KCNQ1: variants seen among roughly 807,000 people sequenced by gnomAD.
KCNQ1 encodes potassium voltage-gated channel subfamily KQT member 1.
KCNQ1 carries 49 observed loss-of-function variants against 72.4 expected under a neutral mutation model. The observed-to-expected ratio is 0.68, with a 90% confidence interval of 0.54 to 0.86. KCNQ1 has a LOEUF of 0.86. KCNQ1 is among the 40% of genes least tolerant of loss of function. KCNQ1 has a pLI of 0.00. For missense variants in KCNQ1, 790 were observed against 945.1 expected (o/e 0.84, Z 2.15); for synonymous variants, 450 against 412.6 (o/e 1.09, Z -1.10).
At chr11:2,705,801 AGTTT>A (rs776992010) in intron 11 of KCNQ1, among the ~76,000 whole-genome samples, 3 of 152,164 alleles carry the variant, frequency 2.0e-5, no homozygotes, top group Admixed American at 6.5e-5. Flanking sequence ...TGGTGGTTAT[AGTTT>A]GTTTTACGCA....
At chr11:2,747,827 G>A (rs901058473) in intron 11 of KCNQ1, among the ~76,000 whole-genome samples, 6 of 152,118 alleles carry the variant, frequency 3.9e-5, no homozygotes, top group African/African-American at 1.4e-4. Context: ...GGCACGCAGG[G>A]TGAGGCTGGC....
At chr11:2,680,766 ATTC>A in intron 11 of KCNQ1, 1 of 394,320 alleles carries the variant, frequency 2.5e-6, no homozygotes, top group East Asian at 3.6e-5. Context: ...CTACTAACCT[ATTC>A]TTCATTTCTT....
rs1846408396 is a variant in KCNQ1, at chr11:2,762,141, T to C, written c.1515-6703T>C. On this transcript the variant is annotated intron_variant, in intron 11 of 15. Coordinates refer to ENST00000155840, the MANE Select transcript of KCNQ1 (RefSeq NM_000218.3). The surrounding 1 kb of genome is among the most constrained non-coding windows in gnomAD (Gnocchi z 4.3). ...GGGGTGATGGAAAGAGGCCAGGACGTGAGGCCAGGGTAATAGTTCCTCTCG... is the reference window on the plus strand; with the variant it reads ...GGGGTGATGGAAAGAGGCCAGGACGCGAGGCCAGGGTAATAGTTCCTCTCG... Among the ~76,000 whole-genome samples the C allele has an allele frequency of 2.0e-5, 3 of 152,330 alleles. No homozygotes were observed. The highest frequency in any genetic ancestry group is 7.2e-5 in the African/African-American group (3 of 41,576).
At chr11:2,530,685 CTG>C (rs1209896219) in intron 2 of KCNQ1, among the ~76,000 whole-genome samples, 1 of 152,176 alleles carries the variant, frequency 6.6e-6, no homozygotes, top group African/African-American at 2.4e-5. Flanking sequence ...ATGTTTGGCT[CTG>C]TTTCAATGTG....
At chr11:2,456,027 C>T (rs1385458868) in intron 1 of KCNQ1, among the ~76,000 whole-genome samples, 1 of 152,154 alleles carries the variant, frequency 6.6e-6, no homozygotes, top group Admixed American at 6.5e-5. Flanking sequence ...TATCTATCAC[C>T]ATATACAAAA....
chr11:2,550,224 G>A lies in KCNQ1; in HGVS notation c.478-20404G>A, dbSNP rs988437818. ...TCTTTGCCGTTGCCGGGACTGGGCC[G>A]TGTGCCTGGAGTTTGAACTTTTCTG... On this transcript the variant is annotated intron_variant, in intron 2 of 15. Transcript: ENST00000155840. The surrounding 1 kb of genome is among the most constrained non-coding windows in gnomAD (Gnocchi z 6.0). Among the ~76,000 whole-genome samples the A allele has an allele frequency of 2.2e-4, 34 of 152,352 alleles. No homozygotes were observed. Among genetic ancestry groups the A allele is most frequent in the African/African-American group, 7.2e-4 (30 of 41,582 alleles).
intron 10 of KCNQ1, chr11:2,648,219 A>T: frequency 2.5e-6 from 1 of 392,346 alleles, no homozygotes; most frequent in African/African-American, 2.1e-5. Flanking sequence ...GGTGGGGGGG[A>T]GGCCTCATTT....
chr11:2,607,185 G>A (rs1362769932), intron 10 of KCNQ1, among the ~76,000 whole-genome samples: 2 of 152,100 alleles, frequency 1.3e-5, no homozygotes, highest in African/African-American at 4.8e-5. Context: ...TTACAGGTGT[G>A]AACCACTGCA....
Position 2,661,949 on chromosome 11 carries a change from C to G in KCNQ1, c.1394-12C>G. ...GGAGGCCTAACGTGCTGTCCCCACA[C>G]TTTCTCCTCAGTAAGGAAGAGCCCA... On this transcript the variant is annotated splice_polypyrimidine_tract_variant and intron_variant, in intron 10 of 15. Transcript: ENST00000155840. This position sits in a 1 kb window ranked among gnomAD's most constrained non-coding sequence, Gnocchi z 5.9. The G allele has an allele frequency of 6.2e-7, 1 of 1,614,198 alleles. No individual in the cohort carries two copies.
Position 2,725,013 on chromosome 11 carries a change from C to T in KCNQ1, c.1515-43831C>T, listed in dbSNP as rs564904471. 5.9e-5 allele frequency among the ~76,000 whole-genome samples: 9 copies of T among 152,268 alleles called. No individual in the cohort carries two copies. The highest frequency in any genetic ancestry group is 2.1e-4 in the South Asian group (1 of 4,820). On this transcript the variant is annotated intron_variant, in intron 11 of 15. Coordinates refer to ENST00000155840, the MANE Select transcript of KCNQ1 (RefSeq NM_000218.3). This position sits in a 1 kb window ranked among gnomAD's most constrained non-coding sequence, Gnocchi z 7.2. ...TTGGTGTGCCACCAGGGTCCCTGTCCGTTTAAGAAAAGCCTGTGGGCCCAA... is the reference window on the plus strand; with the variant it reads ...TTGGTGTGCCACCAGGGTCCCTGTCTGTTTAAGAAAAGCCTGTGGGCCCAA...
chr11:2,652,022 C>G lies in KCNQ1; in HGVS notation c.1394-9939C>G. The G allele has an allele frequency of 2.5e-6, 1 of 398,654 alleles. No homozygotes were observed. The highest frequency in any genetic ancestry group is 4.4e-6 in the Non-Finnish European group (1 of 226,094). The allele number at this position is 398,654 out of a possible 1,614,324, so 24.7% of individuals were successfully genotyped here. ...TTAACATAATTTTGATGTTGAGCCT[C>G]CCCCCAGTTCTGGGGTGGCTCTGAC... On this transcript the variant is annotated intron_variant, in intron 10 of 15. Coordinates refer to ENST00000155840, the MANE Select transcript of KCNQ1 (RefSeq NM_000218.3). The surrounding 1 kb of genome is among the most constrained non-coding windows in gnomAD (Gnocchi z 5.9).
At position 2,661,864 on chromosome 11, in the gene KCNQ1, A is replaced by G; in HGVS notation, c.1394-97A>G. 1 of 1,495,130 alleles carries G rather than the reference A, an allele frequency of 6.7e-7. No homozygotes were observed. Among genetic ancestry groups the G allele is most frequent in the African/African-American group, 1.4e-5 (1 of 71,656 alleles). 92.6% of individuals were successfully genotyped at this position (1,495,130 alleles called of 1,614,324 possible). The stretch of plus-strand genomic sequence containing the variant: ...GCTGGAGCTTCCAGGCACAAGCTCC[A>G]CTCCTCACCTGGCCCTGGGAGCTCA... On this transcript the variant is annotated intron_variant, in intron 10 of 15. Transcript: ENST00000155840. The surrounding 1 kb of genome is among the most constrained non-coding windows in gnomAD (Gnocchi z 5.9).
rs1847118369 is a variant in KCNQ1, at chr11:2,507,215, T to A, written c.387-20713T>A. Among the ~76,000 whole-genome samples, 1 of 152,224 alleles carries A rather than the reference T, an allele frequency of 6.6e-6. No homozygotes were observed. The highest frequency in any genetic ancestry group is 1.5e-5 in the Non-Finnish European group (1 of 68,040). ...TTTAGCTCCTTGTCCGTTTGGAGTT[T>A]GCTCTTGTGCATGATCTAAGGTAAT... is the stretch of plus-strand genomic sequence containing the variant. On this transcript the variant is annotated intron_variant, in intron 1 of 15. Coordinates refer to ENST00000155840, the MANE Select transcript of KCNQ1 (RefSeq NM_000218.3). The surrounding 1 kb of genome is among the most constrained non-coding windows in gnomAD (Gnocchi z 5.4).
Position 2,528,000 on chromosome 11 carries a change from G to A in KCNQ1, c.459G>A (p.Thr153=), listed in dbSNP as rs148121889. Residue 153 remains threonine, a synonymous_variant, in exon 2 of 16, where the codon ACG becomes ACA. Coordinates refer to ENST00000155840, the MANE Select transcript of KCNQ1 (RefSeq NM_000218.3). ...TCGAGCAGTATGCCGCCCTGGCCACGGGGACTCTCTTCTGGATGGTACGTA... is the reference window on the plus strand; with the variant it reads ...TCGAGCAGTATGCCGCCCTGGCCACAGGGACTCTCTTCTGGATGGTACGTA... ...STIEQYAALA[T]GTLFWMEIVL... is the part of the protein sequence containing the mutation. The A allele has an allele frequency of 2.2e-3, 3,486 of 1,613,432 alleles. 3 individuals carry two copies. Among genetic ancestry groups the A allele is most frequent in the Non-Finnish European group, 2.8e-3 (3,304 of 1,179,592 alleles).
At chr11:2,665,297 C>T (rs911999918) in intron 11 of KCNQ1, 2 of 398,322 alleles carry the variant, frequency 5.0e-6, no homozygotes, top group African/African-American at 4.1e-5. Flanking sequence ...AACCATATGA[C>T]AGGGCTTCTG....
chr11:2,663,835 C>T lies in KCNQ1; in HGVS notation c.1514+1754C>T, dbSNP rs1296234404. 2.5e-6 allele frequency: 1 copy of T among 398,626 alleles called. No individual in the cohort carries two copies. The highest frequency in any genetic ancestry group is 4.4e-6 in the Non-Finnish European group (1 of 226,114). The allele number at this position is 398,626 out of a possible 1,614,324, so 24.7% of individuals were successfully genotyped here. On this transcript the variant is annotated intron_variant, in intron 11 of 15. Transcript: ENST00000155840. This position sits in a 1 kb window ranked among gnomAD's most constrained non-coding sequence, Gnocchi z 5.2. ...AGGGCTGCCAGTGCTGGTATCAGCA[C>T]ATGCCAAGCTCCCTGGAGCCAGAGG...
At position 2,588,626 on chromosome 11, in the gene KCNQ1, G is replaced by A; in HGVS notation, c.1252-87G>A. 1.3e-6 allele frequency: 2 copies of A among 1,550,034 alleles called. No homozygotes were observed. The highest frequency in any genetic ancestry group is 1.8e-6 in the Non-Finnish European group (2 of 1,133,156). On this transcript the variant is annotated intron_variant, in intron 9 of 15. Transcript: ENST00000155840. The surrounding 1 kb of genome is among the most constrained non-coding windows in gnomAD (Gnocchi z 5.6). ...GTGTATGTGGCGGGGGCTGGGCTCG[G>A]GGCGGCTGCACAGGCACTCTGGGGC...
In KCNQ1 at chr11:2,462,859, C is replaced by T. The variant is rs774226713; in HGVS notation, c.386+17375C>T. Among the ~76,000 whole-genome samples the T allele has an allele frequency of 2.0e-5, 3 of 152,176 alleles. No homozygotes were observed. The highest frequency in any genetic ancestry group is 1.3e-4 in the Admixed American group (2 of 15,282). On this transcript the variant is annotated intron_variant, in intron 1 of 15. Coordinates refer to ENST00000155840, the MANE Select transcript of KCNQ1 (RefSeq NM_000218.3). This position sits in a 1 kb window ranked among gnomAD's most constrained non-coding sequence, Gnocchi z 8.2. ...TGAGTCGGGGCCCAGCCCAGAGTGA[C>T]AGGGACCAAACCTGGGTCCATGTGC...
intron 15 of KCNQ1, among the ~76,000 whole-genome samples, chr11:2,792,561 A>G (rs1322595276): frequency 6.6e-6 from 1 of 152,182 alleles, no homozygotes; most frequent in Non-Finnish European, 1.5e-5. Flanking sequence ...GCTGCCAGGA[A>G]AAGGTCTGTG....
Sources: allele counts gnomAD v4.1 joint callset (sites outside exome capture counted in the v4.1 genomes callset), GRCh38; gene constraint gnomAD v4.1.1; non-coding constraint Gnocchi (gnomAD v3.1); transcripts MANE v1.5; gene names NCBI Gene and HGNC (gene_info 2026-07-23, HGNC 2026-07-21).